CEP70: variants seen among roughly 807,000 people sequenced by gnomAD.
CEP70 encodes the protein centrosomal protein 70.
CEP70 carries 70 observed loss-of-function variants against 90.9 expected under a neutral mutation model. That is an observed-to-expected ratio of 0.77 (90% CI 0.64 to 0.94). The LOEUF is 0.94. Ranked by LOEUF, CEP70 falls within the 40% of genes least tolerant of loss-of-function variation. The pLI is 0.00. For missense variants in CEP70, 648 were observed against 669.0 expected, an observed-to-expected ratio of 0.97 and a Z score of 0.35; for synonymous variants, 220 against 228.3, an observed-to-expected ratio of 0.96 and a Z score of 0.33.
chr3:138,539,556 T>C (rs2038577547), intron 6 of CEP70, among the ~76,000 whole-genome samples: 1 of 152,008 alleles, frequency 6.6e-6, no homozygotes, highest in Non-Finnish European at 1.5e-5. Context: ...CATTAGAGGC[T>C]TTTAATAGCA....
chr3:138,537,581 C>T (rs1025976233), intron 6 of CEP70, among the ~76,000 whole-genome samples: 2 of 152,026 alleles, frequency 1.3e-5, no homozygotes, highest in Non-Finnish European at 2.9e-5. Flanking sequence ...TTCATAATTG[C>T]GTGCATTCAA....
At position 138,520,774 on chromosome 3, in the gene CEP70, C is replaced by A. The variant is rs146141426; in HGVS notation, c.944+4716G>T. ...CACCTTAACATCACAATTAAAAGAA[C>A]TAGAGCTCCCTCTCCCTCTCCCTTT... On this transcript the variant is annotated intron_variant, in intron 11 of 17. Transcript: ENST00000264982. Among the ~76,000 whole-genome samples, 3 of 152,258 alleles carry A rather than the reference C, an allele frequency of 2.0e-5. No homozygotes were observed. In the East Asian group the frequency reaches 5.8e-4, roughly 29 times the overall value.
intron 6 of CEP70, among the ~76,000 whole-genome samples, chr3:138,557,196 C>T (rs1025087820): frequency 7.2e-5 from 11 of 152,180 alleles, no homozygotes; most frequent in African/African-American, 1.4e-4. Context: ...GGCTCTGTTC[C>T]GCCCAGCTCA....
Position 138,518,845 on chromosome 3 carries a change from G to A in CEP70, c.944+6645C>T, listed in dbSNP as rs147852240. Among the ~76,000 whole-genome samples the A allele has an allele frequency of 4.8e-3, 725 of 152,272 alleles. 4 individuals carry two copies. The highest frequency in any genetic ancestry group is 0.017 in the African/African-American group (696 of 41,552). ...AAGCTGGACGGAAAATGACTTTGAC[G>A]AGTTGAGAGAAGAAGACTTCAGAAG... On this transcript the variant is annotated intron_variant, in intron 11 of 17. Transcript: ENST00000264982.
chr3:138,581,449 A>C (rs1225067190), intron 2 of CEP70, among the ~76,000 whole-genome samples: 1 of 152,028 alleles, frequency 6.6e-6, no homozygotes, highest in Non-Finnish European at 1.5e-5. Context: ...CATGCCTGTA[A>C]TCTCAGCACT....
In CEP70 at chr3:138,500,244, G is replaced by A. The variant is rs867487160; in HGVS notation, c.1538-20C>T. 6.3e-7 allele frequency: 1 copy of A among 1,582,952 alleles called. No individual in the cohort carries two copies. Among genetic ancestry groups the A allele is most frequent in the African/African-American group, 1.3e-5 (1 of 74,158 alleles). ...AACTATCTGCAAAAGAGAAATAAAA[G>A]GATATTTTAACAGAGAATTTCCAAA... is the stretch of plus-strand genomic sequence containing the variant. On this transcript the variant is annotated intron_variant, in intron 15 of 17. Transcript: ENST00000264982.
rs34567909 is a variant in CEP70 at position 138,553,487 on chromosome 3, C to CAA, written c.466-16142_466-16141dup. On this transcript the variant is annotated intron_variant, in intron 6 of 17. Coordinates refer to ENST00000264982, the MANE Select transcript of CEP70 (RefSeq NM_024491.4). ...AGAGAGAGACTCCATCTCAAAAAGA[C>CAA]AAAAAAAAAAAAATCCAGGACTAGA... Among the ~76,000 whole-genome samples the CAA allele has an allele frequency of 2.1e-3, 281 of 133,116 alleles. 1 individual carries two copies. Among genetic ancestry groups the CAA allele is most frequent in the East Asian group, 0.011 (51 of 4,856 alleles). 87.3% of individuals were successfully genotyped at this position (133,116 alleles called of 152,430 possible). A position where few individuals can be genotyped will look rare whatever the true frequency, so the allele number is the denominator to read the frequency against.
intron 6 of CEP70, among the ~76,000 whole-genome samples, chr3:138,541,652 G>A (rs1267751638): frequency 3.3e-5 from 5 of 152,164 alleles, no homozygotes; most frequent in East Asian, 1.9e-4. Flanking sequence ...ACAGACAAAC[G>A]CAGAATACTC....
intron 2 of CEP70, among the ~76,000 whole-genome samples, chr3:138,575,357 T>C (rs1560446407): frequency 1.3e-5 from 2 of 152,178 alleles, no homozygotes; most frequent in South Asian, 2.1e-4. Flanking sequence ...GTATCAGTGA[T>C]TGAAGATCAA....
intron 8 of CEP70, 89 bp downstream of exon 8, chr3:138,532,425 A>G: frequency 1.7e-6 from 2 of 1,143,022 alleles, no homozygotes; most frequent in Non-Finnish European, 2.3e-6. Flanking sequence ...GGATTTCCAT[A>G]GTATATTAAA....
intron 6 of CEP70, among the ~76,000 whole-genome samples, chr3:138,557,128 G>T (rs1333233174): frequency 6.6e-6 from 1 of 152,076 alleles, no homozygotes; most frequent in Non-Finnish European, 1.5e-5. Context: ...GATGTTCCTT[G>T]CTGAGAAAAA....
chr3:138,575,509 C>T (rs1012742331), intron 2 of CEP70, among the ~76,000 whole-genome samples: 1 of 152,126 alleles, frequency 6.6e-6, no homozygotes, highest in Non-Finnish European at 1.5e-5. Context: ...GGAATGGAAC[C>T]AAGCTGGAAA....
At chr3:138,591,564 G>A (rs888303521) in intron 2 of CEP70, among the ~76,000 whole-genome samples, 2 of 152,084 alleles carry the variant, frequency 1.3e-5, no homozygotes, top group South Asian at 2.1e-4. Flanking sequence ...CTCAGCTCAC[G>A]AGTTAAAGAT....
chr3:138,515,467 C>CAAAAAAAAAAAAAAAAAAAAA (rs145902706), intron 11 of CEP70, among the ~76,000 whole-genome samples: 4 of 65,390 alleles, frequency 6.1e-5, no homozygotes, highest in Non-Finnish European at 8.5e-5. Flanking sequence ...CATAGAAATG[C>CAAAAAAAAAAAAAAAAAAAAA]AAAAAAAAAA....
intron 11 of CEP70, among the ~76,000 whole-genome samples, chr3:138,521,189 C>T (rs1249970212): frequency 6.6e-6 from 1 of 152,312 alleles, no homozygotes; most frequent in Non-Finnish European, 1.5e-5. Context: ...CTGCCTTGGC[C>T]TCCCAAAGTG....
Position 138,524,847 on chromosome 3 carries a change from A to T in CEP70, c.944+643T>A, listed in dbSNP as rs539315739. On this transcript the variant is annotated intron_variant, in intron 11 of 17. Transcript: ENST00000264982. ...TAAACTAGTTCAACCATTGTGGAAGACAGTGTGGTGATTCCTCAAGGTTCT... is the reference window on the plus strand; with the variant it reads ...TAAACTAGTTCAACCATTGTGGAAGTCAGTGTGGTGATTCCTCAAGGTTCT... 2.4e-3 allele frequency among the ~76,000 whole-genome samples: 359 copies of T among 152,330 alleles called. 1 individual carries two copies. In the Middle Eastern group the frequency reaches 0.027, roughly 12 times the overall value.
At chr3:138,581,261 GAC>G (rs1369396463) in intron 2 of CEP70, among the ~76,000 whole-genome samples, 1 of 142,580 alleles carries the variant, frequency 7.0e-6, no homozygotes, top group Non-Finnish European at 1.5e-5. Flanking sequence ...CAGACTGGGC[GAC>G]ACAGTGAGAC....
chr3:138,500,366 A>T (rs779157593), intron 15 of CEP70, 33 bp downstream of exon 15: 2 of 1,551,722 alleles, frequency 1.3e-6, no homozygotes, highest in African/African-American at 2.8e-5. Context: ...AAATTCTTAA[A>T]TGGGGGCCCA....
chr3:138,541,539 T>C (rs2038768192), intron 6 of CEP70, among the ~76,000 whole-genome samples: 1 of 151,966 alleles, frequency 6.6e-6, no homozygotes, highest in African/African-American at 2.4e-5. Context: ...AAGGGACTCA[T>C]AAGAAATGCT....
Sources: gnomAD v4.1 joint callset for allele counts (sites outside exome capture counted in the v4.1 genomes callset) on GRCh38, gnomAD v4.1.1 for gene constraint, MANE v1.5 for transcripts, NCBI Gene and HGNC (gene_info 2026-07-23, HGNC 2026-07-21) for gene names.